The following LRRC3B variants were observed in gnomAD, a reference collection of about 807,000 sequenced individuals.
The protein encoded by LRRC3B is leucine rich repeat containing 3B.
Under a neutral mutation model 12.8 loss-of-function variants are expected in LRRC3B, and 2 were observed. That is an observed-to-expected ratio of 0.16 (90% CI 0.06 to 0.49). The LOEUF (loss-of-function observed/expected upper bound fraction) is 0.49. Among genes scored for constraint, LRRC3B ranks in the 20% least tolerant of loss-of-function variants. The pLI is 0.96. For missense variants in LRRC3B, 189 were observed against 319.4 expected (o/e 0.59, Z 3.11); for synonymous variants, 132 against 122.0 (o/e 1.08, Z -0.54).
chr3:26,657,712 G>C (rs541034116), intron 1 of LRRC3B, among the ~76,000 whole-genome samples: 1 of 151,684 alleles, frequency 6.6e-6, no homozygotes, highest in Non-Finnish European at 1.5e-5. Context: ...CAGCCAAGGC[G>C]CTCATTACTT....
At position 26,658,107 on chromosome 3, in the gene LRRC3B, C is replaced by T. The variant is rs572624746; in HGVS notation, c.-161+34870C>T. 9.2e-5 allele frequency among the ~76,000 whole-genome samples: 14 copies of T among 152,286 alleles called. No individual in the cohort carries two copies. The East Asian group carries it at 1.2e-3, about 13-fold the overall frequency. ...TCTTTCTTTTTTTGAGATGGAGTCT[C>T]GCTCTGTTGCCCAGGCTGGAGTTTC... is the stretch of plus-strand genomic sequence containing the variant. On this transcript the variant is annotated intron_variant, in intron 1 of 1. Coordinates refer to ENST00000396641, the Ensembl canonical transcript of LRRC3B.
chr3:26,706,482 C>G (rs1343425382), intron 1 of LRRC3B, among the ~76,000 whole-genome samples: 1 of 152,104 alleles, frequency 6.6e-6, no homozygotes, highest in Non-Finnish European at 1.5e-5. Context: ...TGAAACAGTT[C>G]AAGTCCAACT....
At chr3:26,667,101 G>T (rs1575141961) in intron 1 of LRRC3B, among the ~76,000 whole-genome samples, 2 of 123,594 alleles carry the variant, frequency 1.6e-5, no homozygotes, top group African/African-American at 6.8e-5. Flanking sequence ...ACCATTATTA[G>T]TAAAGTCTCA....
chr3:26,691,105 G>GTGTGTATATATATATATATATA (rs372629683), intron 1 of LRRC3B, among the ~76,000 whole-genome samples: 2 of 84,832 alleles, frequency 2.4e-5, no homozygotes, highest in East Asian at 5.6e-4. Context: ...GTGTGTGTGT[G>GTGTGTATATATATATATATATA]TATATATATA....
At chr3:26,634,831 G>A (rs1698831961) in intron 1 of LRRC3B, among the ~76,000 whole-genome samples, 1 of 152,204 alleles carries the variant, frequency 6.6e-6, no homozygotes, top group African/African-American at 2.4e-5. Flanking sequence ...ACGCTGCTGA[G>A]AGTTGGATAT....
At chr3:26,681,997 A>G (rs1286193226) in intron 1 of LRRC3B, among the ~76,000 whole-genome samples, 9 of 151,974 alleles carry the variant, frequency 5.9e-5, no homozygotes, top group African/African-American at 1.9e-4. Flanking sequence ...ATTAGACACA[A>G]TAAGATATTA....
intron 1 of LRRC3B, among the ~76,000 whole-genome samples, chr3:26,656,710 G>GGATCT (rs1365002611): frequency 6.6e-6 from 1 of 152,166 alleles, no homozygotes; most frequent in African/African-American, 2.4e-5. Flanking sequence ...CCACAGATTG[G>GGATCT]GATCTGAATC....
At chr3:26,691,075 ATATG>A (rs1422563915) in intron 1 of LRRC3B, among the ~76,000 whole-genome samples, 6 of 134,506 alleles carry the variant, frequency 4.5e-5, no homozygotes, top group Non-Finnish European at 9.4e-5. Context: ...ATATATATGT[ATATG>A]TGTGTGTGTA....
At chr3:26,646,585 T>C (rs1243783623) in intron 1 of LRRC3B, among the ~76,000 whole-genome samples, 1 of 110,832 alleles carries the variant, frequency 9.0e-6, no homozygotes, top group African/African-American at 3.4e-5. Flanking sequence ...CAGAGGCCAC[T>C]AAGGATAGGA....
At chr3:26,687,589 C>A (rs1356915290) in intron 1 of LRRC3B, among the ~76,000 whole-genome samples, 1 of 152,140 alleles carries the variant, frequency 6.6e-6, no homozygotes, top group Non-Finnish European at 1.5e-5. Flanking sequence ...AGATCGTTTC[C>A]ATACAGCCCA....
intron 1 of LRRC3B, among the ~76,000 whole-genome samples, chr3:26,692,017 T>C (rs1700203509): frequency 6.6e-6 from 1 of 152,212 alleles, no homozygotes; most frequent in South Asian, 2.1e-4. Flanking sequence ...GGCACTAGGA[T>C]GGCTATCCAC....
chr3:26,636,974 CTCTCTCTCTCTT>C lies in LRRC3B; in HGVS notation c.-161+13745_-161+13756del, dbSNP rs1698913125. Among the ~76,000 whole-genome samples the C allele has an allele frequency of 7.1e-5, 8 of 112,268 alleles. No individual in the cohort carries two copies. The South Asian group carries it at 2.1e-3, about 30-fold the overall frequency. 73.7% of individuals were successfully genotyped at this position (112,268 alleles called of 152,430 possible). On this transcript the variant is annotated intron_variant, in intron 1 of 1. Transcript: ENST00000396641. ...TCTTTCTTTCTTTCTTTCTTTCTTTCTCTCTCTCTCTTTCTCTCTTTCTCTCTTTCTTTCTTT... is the reference window on the plus strand; with the variant it reads ...TCTTTCTTTCTTTCTTTCTTTCTTTCTCTCTCTTTCTCTCTTTCTTTCTTT...
rs143002817 is a variant in LRRC3B, at chr3:26,626,209, A to C, written c.-161+2972A>C. ...GTATAGTGGAATACTAGTAGAGGAA[A>C]TCGATTTGGAGAACTGGCTACTGGT... On this transcript the variant is annotated intron_variant, in intron 1 of 1. Transcript: ENST00000396641. 2.8e-3 allele frequency among the ~76,000 whole-genome samples: 424 copies of C among 152,328 alleles called. 1 individual carries two copies. Among genetic ancestry groups the C allele is most frequent in the Non-Finnish European group, 4.8e-3 (327 of 68,024 alleles).
At chr3:26,689,768 C>A (rs1213113647) in intron 1 of LRRC3B, among the ~76,000 whole-genome samples, 3 of 152,190 alleles carry the variant, frequency 2.0e-5, no homozygotes, top group Non-Finnish European at 4.4e-5. Flanking sequence ...CAAACATATT[C>A]TGAGCACAGA....
intron 1 of LRRC3B, among the ~76,000 whole-genome samples, chr3:26,706,867 A>ATATT (rs1302569699): frequency 6.6e-6 from 1 of 152,334 alleles, no homozygotes; most frequent in East Asian, 1.9e-4. Context: ...TATGTTTAAA[A>ATATT]TATTTATAAA....
At position 26,672,524 on chromosome 3, in the gene LRRC3B, T is replaced by TATCA. The variant is rs1478230630; in HGVS notation, c.-160-36988_-160-36985dup. On this transcript the variant is annotated intron_variant, in intron 1 of 1. Transcript: ENST00000396641. ...TCCTTTTGAAACAGAAGGTTAATTC[T>TATCA]ATCATCCTGTTCCTGAACTGGCAGT... is the stretch of plus-strand genomic sequence containing the variant. Among the ~76,000 whole-genome samples, 4 of 152,352 alleles carry TATCA rather than the reference T, an allele frequency of 2.6e-5. No individual in the cohort carries two copies. The East Asian group carries it at 5.8e-4, about 22-fold the overall frequency.
chr3:26,635,776 G>T (rs1698856056), intron 1 of LRRC3B, among the ~76,000 whole-genome samples: 1 of 152,176 alleles, frequency 6.6e-6, no homozygotes, highest in Non-Finnish European at 1.5e-5. Flanking sequence ...TTGCATCTGT[G>T]TATACCACCA....
chr3:26,663,063 A>G (rs910808830), intron 1 of LRRC3B, among the ~76,000 whole-genome samples: 8 of 152,170 alleles, frequency 5.3e-5, no homozygotes, highest in African/African-American at 1.9e-4. Context: ...CCAGTGCATC[A>G]GATTCTAGAG....
At chr3:26,669,608 G>T (rs1009509845) in intron 1 of LRRC3B, among the ~76,000 whole-genome samples, 4 of 152,142 alleles carry the variant, frequency 2.6e-5, no homozygotes, top group African/African-American at 9.7e-5. Flanking sequence ...TACTCTGTTA[G>T]TAAAATCTGT....
Sources: allele counts gnomAD v4.1 joint callset (sites outside exome capture counted in the v4.1 genomes callset), GRCh38; gene constraint gnomAD v4.1.1; transcripts MANE v1.5; gene names NCBI Gene and HGNC (gene_info 2026-07-23, HGNC 2026-07-21).